The following TPD52L1 variants were observed in gnomAD, a reference collection of about 807,000 sequenced individuals.
The protein encoded by TPD52L1 is TPD52 like 1.
Under a neutral mutation model 28.7 loss-of-function variants are expected in TPD52L1, and 18 were observed. The ratio of observed to expected loss-of-function variants is 0.63; its 90% confidence interval spans 0.43 to 0.93. The LOEUF (loss-of-function observed/expected upper bound fraction) is 0.93. Among genes scored for constraint, TPD52L1 ranks in the 40% least tolerant of loss-of-function variants. The probability of loss-of-function intolerance (pLI) is 0.00; values close to 1 mark genes in which losing one functional copy is unlikely to be tolerated. For missense variants in TPD52L1, 203 were observed against 254.8 expected (o/e 0.80, Z 1.39); for synonymous variants, 75 against 88.8 (o/e 0.84, Z 0.88).
At chr6:125,224,780 TAAAACTG>T (rs1462586581) in intron 2 of TPD52L1, among the ~76,000 whole-genome samples, 1 of 152,232 alleles carries the variant, frequency 6.6e-6, no homozygotes. Flanking sequence ...ATCTAGCAGA[TAAAACTG>T]AAAAACAAAT....
intron 3 of TPD52L1, among the ~76,000 whole-genome samples, chr6:125,231,681 AGGATTTGGAGAAC>A: frequency 6.6e-6 from 1 of 152,172 alleles, no homozygotes; most frequent in South Asian, 2.1e-4. Flanking sequence ...GGGGATAGAA[AGGATTTGGAGAAC>A]AGATCAACAG....
intron 1 of TPD52L1, among the ~76,000 whole-genome samples, chr6:125,161,790 C>T (rs112416252): frequency 8.2e-4 from 124 of 152,030 alleles, no homozygotes; most frequent in African/African-American, 2.6e-3. Flanking sequence ...TCACCATAAC[C>T]GATTTAATAA....
chr6:125,191,145 A>T (rs539222786), intron 1 of TPD52L1, among the ~76,000 whole-genome samples: 2 of 152,210 alleles, frequency 1.3e-5, no homozygotes. Context: ...ACATGGAATC[A>T]TTCCTTGCTG....
At chr6:125,154,017 T>A (rs764580202) in intron 1 of TPD52L1, 47 bp downstream of exon 1, 1 of 1,579,520 alleles carries the variant, frequency 6.3e-7, no homozygotes, top group Admixed American at 1.8e-5. Flanking sequence ...GGGGCGCGCA[T>A]AAAGGCTCTT....
Position 125,263,156 on chromosome 6 carries a change from C to T in TPD52L1, c.*194C>T, listed in dbSNP as rs1262433067. 1 of 627,674 alleles carries T rather than the reference C, an allele frequency of 1.6e-6. No homozygotes were observed. The highest frequency in any genetic ancestry group is 2.9e-5 in the East Asian group (1 of 34,518). 38.9% of individuals were successfully genotyped at this position (627,674 alleles called of 1,614,324 possible). ...TTGATGATGGACCACTTGACCATCA[C>T]ATTTCAGTATTCATAGATGACTGTC... is the stretch of plus-strand genomic sequence containing the variant. On this transcript the variant is annotated 3_prime_UTR_variant, in exon 7 of 7. Coordinates refer to ENST00000534000, the MANE Select transcript of TPD52L1 (RefSeq NM_003287.4).
chr6:125,167,717 A>C (rs1791001665), intron 1 of TPD52L1, among the ~76,000 whole-genome samples: 1 of 152,180 alleles, frequency 6.6e-6, no homozygotes, highest in African/African-American at 2.4e-5. Flanking sequence ...CATGCACTTT[A>C]CAGGTCCTCC....
chr6:125,263,143 C>A lies in TPD52L1; in HGVS notation c.*181C>A, dbSNP rs1287676591. 5.9e-6 allele frequency: 4 copies of A among 678,396 alleles called. No individual in the cohort carries two copies. Among genetic ancestry groups the A allele is most frequent in the Non-Finnish European group, 9.5e-6 (4 of 420,106 alleles). The allele number at this position is 678,396 out of a possible 1,614,324, so 42.0% of individuals were successfully genotyped here. ...ATTTGTATTTGTGTTGATGATGGAC[C>A]ACTTGACCATCACATTTCAGTATTC... On this transcript the variant is annotated 3_prime_UTR_variant, in exon 7 of 7. Transcript: ENST00000534000.
At chr6:125,260,342 A>G (rs962600758) in intron 6 of TPD52L1, 6 of 152,246 alleles carry the variant, frequency 3.9e-5, no homozygotes, top group African/African-American at 1.4e-4. Flanking sequence ...ATGCTCTGCC[A>G]GAGGTCCACA....
intron 3 of TPD52L1, chr6:125,231,386 T>C (rs767442235): frequency 6.6e-6 from 1 of 152,288 alleles, no homozygotes; most frequent in Admixed American, 6.5e-5. Flanking sequence ...GAGACTCATA[T>C]TCCTCCTGGG....
intron 1 of TPD52L1, among the ~76,000 whole-genome samples, chr6:125,156,430 C>A (rs1012521473): frequency 1.3e-4 from 18 of 140,768 alleles, no homozygotes; most frequent in African/African-American, 4.6e-4. Context: ...CCCAGCATTG[C>A]ACTCTAGTCT....
chr6:125,197,217 T>C (rs1047566581), intron 1 of TPD52L1, among the ~76,000 whole-genome samples: 3 of 152,246 alleles, frequency 2.0e-5, no homozygotes, highest in Admixed American at 2.0e-4. Flanking sequence ...TCTCTAGAGA[T>C]GTCCCTTTTC....
chr6:125,162,891 T>A (rs894993559), intron 1 of TPD52L1, among the ~76,000 whole-genome samples: 1 of 152,212 alleles, frequency 6.6e-6, no homozygotes, highest in African/African-American at 2.4e-5. Context: ...TATAATAACA[T>A]CATGAGGTAG....
chr6:125,226,566 C>A (rs1259341296), intron 2 of TPD52L1, among the ~76,000 whole-genome samples: 1 of 151,914 alleles, frequency 6.6e-6, no homozygotes, highest in Non-Finnish European at 1.5e-5. Flanking sequence ...GGTGTTCAAG[C>A]CTCTTTCTCC....
At chr6:125,178,771 G>A (rs1423655384) in intron 1 of TPD52L1, among the ~76,000 whole-genome samples, 2 of 152,076 alleles carry the variant, frequency 1.3e-5, no homozygotes, top group African/African-American at 4.8e-5. Context: ...CCTTTTTCTA[G>A]GATTAATACT....
At chr6:125,232,998 A>C (rs1361436238) in intron 3 of TPD52L1, among the ~76,000 whole-genome samples, 1 of 152,106 alleles carries the variant, frequency 6.6e-6, no homozygotes, top group Non-Finnish European at 1.5e-5. Context: ...GAGAAATTGA[A>C]TCTCTTCTGT....
chr6:125,165,876 T>C (rs1292436748), intron 1 of TPD52L1, among the ~76,000 whole-genome samples: 1 of 152,140 alleles, frequency 6.6e-6, no homozygotes, highest in Non-Finnish European at 1.5e-5. Flanking sequence ...TCAGTTCAAA[T>C]ATGGAATGGT....
chr6:125,195,867 G>A (rs933479656), intron 1 of TPD52L1, among the ~76,000 whole-genome samples: 5 of 152,108 alleles, frequency 3.3e-5, no homozygotes, highest in South Asian at 2.1e-4. Flanking sequence ...TGCCCTGTTC[G>A]CGCTATCACA....
At chr6:125,226,787 G>A (rs551327578) in intron 2 of TPD52L1, among the ~76,000 whole-genome samples, 130 of 151,746 alleles carry the variant, frequency 8.6e-4, no homozygotes, top group Admixed American at 1.8e-3. Flanking sequence ...CATTTTCTGT[G>A]GTAAAAGAGC....
intron 1 of TPD52L1, among the ~76,000 whole-genome samples, chr6:125,156,465 A>G (rs940795123): frequency 1.2e-5 from 1 of 81,254 alleles, no homozygotes. Context: ...CCTTGTCTCA[A>G]AAAAAAAAAA....
Sources: allele counts gnomAD v4.1 joint callset (sites outside exome capture counted in the v4.1 genomes callset), GRCh38; gene constraint gnomAD v4.1.1; transcripts MANE v1.5; gene names NCBI Gene and HGNC (gene_info 2026-07-23, HGNC 2026-07-21).